The following NRG3 variants were observed in gnomAD, a reference collection of about 807,000 sequenced individuals.
NRG3 encodes pro-neuregulin-3, membrane-bound isoform.
Under a neutral mutation model 66.9 loss-of-function variants are expected in NRG3, and 31 were observed. The ratio of observed to expected loss-of-function variants is 0.46; its 90% CI spans 0.35 to 0.63. The LOEUF is 0.63. Among genes scored for constraint, NRG3 ranks in the 20% least tolerant of loss-of-function variants. NRG3 has a pLI of 0.00. For synonymous variants in NRG3, 393 were observed against 359.4 expected (o/e 1.09, Z -1.06); for missense variants, 910 against 878.9 (o/e 1.04, Z -0.45).
In NRG3 at chr10:82,849,250, G is replaced by A. The variant is rs201836950; in HGVS notation, c.1028-16161G>A. Among the ~76,000 whole-genome samples the A allele has an allele frequency of 1.2e-4, 18 of 152,298 alleles. No homozygotes were observed. In the East Asian group the frequency reaches 3.3e-3, roughly 28 times the overall value. ...AGCCAAGAAACAGCAAAGATTGCCAGTGAACCATCAGAAGCTAGGAGAGTG... is the reference window on the plus strand; with the variant it reads ...AGCCAAGAAACAGCAAAGATTGCCAATGAACCATCAGAAGCTAGGAGAGTG... On this transcript the variant is annotated intron_variant, in intron 3 of 8. Transcript: ENST00000372141.
At chr10:82,835,239 T>G (rs2062715730) in intron 3 of NRG3, among the ~76,000 whole-genome samples, 1 of 152,134 alleles carries the variant, frequency 6.6e-6, no homozygotes, top group African/African-American at 2.4e-5. Context: ...TGTGCTTTGA[T>G]GTCCTGCATG....
At chr10:82,626,103 C>G (rs1361094559) in intron 2 of NRG3, among the ~76,000 whole-genome samples, 1 of 152,128 alleles carries the variant, frequency 6.6e-6, no homozygotes, top group Non-Finnish European at 1.5e-5. Context: ...GACTTACACT[C>G]AGGGACCCTC....
At chr10:82,004,894 C>T (rs2061325070) in intron 1 of NRG3, among the ~76,000 whole-genome samples, 1 of 152,134 alleles carries the variant, frequency 6.6e-6, no homozygotes, top group South Asian at 2.1e-4. Flanking sequence ...TTCTAGCCTC[C>T]AACATTGTTG....
In NRG3 at chr10:82,700,283, G is replaced by C. The variant is rs182521934; in HGVS notation, c.954-38294G>C. On this transcript the variant is annotated intron_variant, in intron 2 of 8. Coordinates refer to ENST00000372141, the MANE Select transcript of NRG3 (RefSeq NM_001010848.4). ...AAATAATGTAAGTCTTGTCACTCGA[G>C]GAGACTTGGACATATTAAAAGAGTT... is the stretch of plus-strand genomic sequence containing the variant. 2.2e-3 allele frequency among the ~76,000 whole-genome samples: 332 copies of C among 152,172 alleles called. 2 individuals carry two copies. Among genetic ancestry groups the C allele is most frequent in the African/African-American group, 4.3e-3 (180 of 41,514 alleles).
At chr10:82,369,835 CTG>C (rs1383132756) in intron 2 of NRG3, among the ~76,000 whole-genome samples, 1 of 138,598 alleles carries the variant, frequency 7.2e-6, no homozygotes, top group Non-Finnish European at 1.5e-5. Context: ...CAGAAATCAG[CTG>C]TGAGTTTCCT....
intron 2 of NRG3, among the ~76,000 whole-genome samples, chr10:82,553,033 A>AC (rs2044422062): frequency 1.3e-5 from 2 of 149,856 alleles, no homozygotes; most frequent in African/African-American, 5.0e-5. Flanking sequence ...GATCACACAC[A>AC]AACACACACA....
intron 2 of NRG3, among the ~76,000 whole-genome samples, chr10:82,578,857 A>G (rs1417560380): frequency 6.6e-6 from 1 of 151,950 alleles, no homozygotes; most frequent in African/African-American, 2.4e-5. Context: ...GAAGGTCAAT[A>G]AAATAGTAAC....
At chr10:82,912,816 A>G (rs1405454867) in intron 4 of NRG3, among the ~76,000 whole-genome samples, 1 of 152,040 alleles carries the variant, frequency 6.6e-6, no homozygotes, top group Non-Finnish European at 1.5e-5. Flanking sequence ...TTAGCATATC[A>G]ATTATGTTTT....
At chr10:82,313,723 T>C (rs985372736) in intron 1 of NRG3, among the ~76,000 whole-genome samples, 2 of 152,136 alleles carry the variant, frequency 1.3e-5, no homozygotes, top group African/African-American at 4.8e-5. Context: ...AGATATGAGT[T>C]TGTGTACTAC....
chr10:82,776,927 A>C (rs935319260), intron 3 of NRG3, among the ~76,000 whole-genome samples: 2 of 152,054 alleles, frequency 1.3e-5, no homozygotes, highest in African/African-American at 4.8e-5. Context: ...TTTCATTTAT[A>C]TGGGGTTAGC....
intron 1 of NRG3, among the ~76,000 whole-genome samples, chr10:82,155,831 A>G (rs138946218): frequency 2.0e-5 from 3 of 151,882 alleles, no homozygotes; most frequent in African/African-American, 7.2e-5. Context: ...TAAAAATGAT[A>G]AAAGCTCAAT....
At chr10:82,619,367 A>G (rs2048884555) in intron 2 of NRG3, among the ~76,000 whole-genome samples, 1 of 152,206 alleles carries the variant, frequency 6.6e-6, no homozygotes, top group South Asian at 2.1e-4. Flanking sequence ...TCTAACCCAT[A>G]CATTCTGCAG....
intron 1 of NRG3, among the ~76,000 whole-genome samples, chr10:81,930,438 G>A (rs1847231911): frequency 6.6e-6 from 1 of 151,614 alleles, no homozygotes; most frequent in African/African-American, 2.4e-5. Flanking sequence ...ACACAGGGCA[G>A]TTTCTGAGAG....
intron 2 of NRG3, among the ~76,000 whole-genome samples, chr10:82,398,728 G>T (rs187996994): frequency 6.6e-6 from 1 of 152,080 alleles, no homozygotes; most frequent in Non-Finnish European, 1.5e-5. Flanking sequence ...GCAAAGCAAG[G>T]GTGAGTGGAA....
chr10:82,464,974 G>T (rs1423117971), intron 2 of NRG3, among the ~76,000 whole-genome samples: 1 of 152,186 alleles, frequency 6.6e-6, no homozygotes, highest in Non-Finnish European at 1.5e-5. Flanking sequence ...GGTCATAGCT[G>T]CCGAGGGCTG....
intron 3 of NRG3, among the ~76,000 whole-genome samples, chr10:82,861,450 G>T (rs970317938): frequency 6.6e-6 from 1 of 152,086 alleles, no homozygotes; most frequent in Non-Finnish European, 1.5e-5. Flanking sequence ...TTCAGTGTTT[G>T]AATAATTTCC....
chr10:82,405,522 TC>T (rs2087451088), intron 2 of NRG3, among the ~76,000 whole-genome samples: 1 of 146,222 alleles, frequency 6.8e-6, no homozygotes, highest in Non-Finnish European at 1.5e-5. Flanking sequence ...AGTGGCATGA[TC>T]TTGGCTCACT....
At chr10:82,047,262 A>C (rs1363143464) in intron 1 of NRG3, among the ~76,000 whole-genome samples, 1 of 151,984 alleles carries the variant, frequency 6.6e-6, no homozygotes, top group Non-Finnish European at 1.5e-5. Flanking sequence ...CCACAAAGAT[A>C]CTCCTCGAGA....
intron 3 of NRG3, among the ~76,000 whole-genome samples, chr10:82,740,583 A>G (rs1475882091): frequency 6.6e-6 from 1 of 152,074 alleles, no homozygotes; most frequent in Non-Finnish European, 1.5e-5. Flanking sequence ...CTATAAACCC[A>G]GCACTTTGGG....
Sources: gnomAD v4.1 joint callset for allele counts (sites outside exome capture counted in the v4.1 genomes callset) on GRCh38, gnomAD v4.1.1 for gene constraint, MANE v1.5 for transcripts, NCBI Gene and HGNC (gene_info 2026-07-23, HGNC 2026-07-21) for gene names.